The following EMB variants were observed in gnomAD, a reference collection of about 807,000 sequenced individuals.
EMB encodes embigin, also known as embigin homolog.
EMB carries 31 observed loss-of-function variants against 41.4 expected under a neutral mutation model. That is an observed-to-expected ratio of 0.75 (90% CI 0.56 to 1.01). The LOEUF (loss-of-function observed/expected upper bound fraction) is 1.01, where lower values mean the gene tolerates loss of function less well. EMB is among the 50% of genes least tolerant of loss of function. The pLI is 0.00. For synonymous variants in EMB, 137 were observed against 140.4 expected, an observed-to-expected ratio of 0.98 and a Z score of 0.17; for missense variants, 379 against 388.3, an observed-to-expected ratio of 0.98 and a Z score of 0.20.
At chr5:50,423,197 A>G (rs556832263) in intron 2 of EMB, among the ~76,000 whole-genome samples, 264 of 152,274 alleles carry the variant, frequency 1.7e-3, no homozygotes, top group South Asian at 3.7e-3. Context: ...CATATGGACT[A>G]ATAGCACTAA....
intron 2 of EMB, among the ~76,000 whole-genome samples, chr5:50,423,307 T>C (rs767751464): frequency 1.3e-5 from 2 of 152,068 alleles, no homozygotes; most frequent in Non-Finnish European, 2.9e-5. Flanking sequence ...CGTATACCAT[T>C]GTAAAAGAGG....
At chr5:50,425,120 T>C (rs541353134) in intron 2 of EMB, among the ~76,000 whole-genome samples, 37 of 152,330 alleles carry the variant, frequency 2.4e-4, no homozygotes, top group African/African-American at 8.9e-4. Flanking sequence ...ACTTCTTTTC[T>C]TCTTCTCAAT....
At chr5:50,429,968 TTCTCTCTCTCTCTCTCTCTCTC>T (rs780667856) in intron 1 of EMB, among the ~76,000 whole-genome samples, 1 of 62,082 alleles carries the variant, frequency 1.6e-5, no homozygotes, top group South Asian at 5.1e-4. Context: ...CCAACTCTCT[TTCTCTCTCTCTCTCTCTCTCTC>T]TCTCTCTCTC....
At chr5:50,441,939 C>T (rs1391618810), upstream of EMB, among the ~76,000 whole-genome samples, 2 of 152,040 alleles carry the variant, frequency 1.3e-5, no homozygotes, top group Non-Finnish European at 2.9e-5. Flanking sequence ...TTGTTAAATC[C>T]GAACACTCTT....
chr5:50,419,677 C>T (rs890459327), intron 2 of EMB, among the ~76,000 whole-genome samples: 3 of 152,118 alleles, frequency 2.0e-5, no homozygotes, highest in African/African-American at 2.4e-5. Context: ...TCTCCTTTCC[C>T]CATCATGGTT....
At position 50,396,228 on chromosome 5, in the gene EMB, C is replaced by CT. The variant is rs1235187879; in HGVS notation, c.*3044dup. Reference sequence around the variant, plus strand: ...AAGCTTGTTTTTCTTTATTAGAATACTTTTTTCAATTCTGATTTGTCACAA... The same window carrying CT: ...AAGCTTGTTTTTCTTTATTAGAATACTTTTTTTCAATTCTGATTTGTCACAA... On this transcript the variant is annotated 3_prime_UTR_variant, in exon 9 of 9. Coordinates refer to ENST00000303221, the MANE Select transcript of EMB (RefSeq NM_198449.3). The CT allele has an allele frequency of 6.6e-6, 1 of 151,990 alleles. No homozygotes were observed. Among genetic ancestry groups the CT allele is most frequent in the Non-Finnish European group, 1.5e-5 (1 of 67,994 alleles). The allele number at this position is 151,990 out of a possible 1,614,324, so 9.4% of individuals were successfully genotyped here. A position where few individuals can be genotyped will look rare whatever the true frequency, so the allele number is the denominator to read the frequency against.
At chr5:50,423,851 C>CATT (rs1267002621) in intron 2 of EMB, among the ~76,000 whole-genome samples, 1 of 152,166 alleles carries the variant, frequency 6.6e-6, no homozygotes, top group Non-Finnish European at 1.5e-5. Flanking sequence ...TTTTTATTCA[C>CATT]ATTATTTTTA....
At chr5:50,434,874 C>A (rs1414840876) in intron 1 of EMB, among the ~76,000 whole-genome samples, 1 of 152,132 alleles carries the variant, frequency 6.6e-6, no homozygotes, top group East Asian at 1.9e-4. Flanking sequence ...GGTTTGTTCT[C>A]CTACATCAGC....
chr5:50,439,953 G>T (rs1240192309), intron 1 of EMB, among the ~76,000 whole-genome samples: 1 of 152,174 alleles, frequency 6.6e-6, no homozygotes. Context: ...CTTGCAATAG[G>T]TTGGATGGAA....
rs1752259598 is a variant in EMB at position 50,441,250 on chromosome 5, G to T, written c.-99C>A. ...TGCGCACACTCGCAGGTGGCCCGGC[G>T]CTCGCAGCCAGTGCCGCGGGTAGGA... On this transcript the variant is annotated 5_prime_UTR_variant, in exon 1 of 9. Coordinates refer to ENST00000303221, the MANE Select transcript of EMB (RefSeq NM_198449.3). The T allele has an allele frequency of 4.5e-6, 3 of 674,008 alleles. No individual in the cohort carries two copies. Among genetic ancestry groups the T allele is most frequent in the Non-Finnish European group, 6.3e-6 (3 of 473,514 alleles). The allele number at this position is 674,008 out of a possible 1,614,324, so 41.8% of individuals were successfully genotyped here.
chr5:50,430,326 G>T (rs375316311), intron 1 of EMB, among the ~76,000 whole-genome samples: 1 of 151,916 alleles, frequency 6.6e-6, no homozygotes, highest in Non-Finnish European at 1.5e-5. Flanking sequence ...CAATCTTAAG[G>T]GTTCTTATTA....
intron 2 of EMB, among the ~76,000 whole-genome samples, chr5:50,414,086 T>C (rs529984408): frequency 7.2e-5 from 11 of 152,232 alleles, no homozygotes; most frequent in Admixed American, 2.6e-4. Context: ...GTAATTACTC[T>C]TAAGGGGAAG....
chr5:50,399,931 A>C lies in EMB; in HGVS notation c.912-18T>G. The C allele has an allele frequency of 1.3e-6, 2 of 1,582,500 alleles. No individual in the cohort carries two copies. Among genetic ancestry groups the C allele is most frequent in the Non-Finnish European group, 1.7e-6 (2 of 1,158,874 alleles). Reference sequence around the variant, plus strand: ...CTGATTTCCTGCACAGAAAACAAAAAAGAAAATTACTAAATGCTTATATTA... The same window carrying C: ...CTGATTTCCTGCACAGAAAACAAAACAGAAAATTACTAAATGCTTATATTA... On this transcript the variant is annotated intron_variant, in intron 7 of 8. Transcript: ENST00000303221.
At chr5:50,430,287 C>A (rs968845817) in intron 1 of EMB, among the ~76,000 whole-genome samples, 1 of 152,104 alleles carries the variant, frequency 6.6e-6, no homozygotes, top group Non-Finnish European at 1.5e-5. Flanking sequence ...GCTTTCCTCC[C>A]CAGGGATACC....
chr5:50,405,902 G>C (rs758905764), intron 4 of EMB, 50 bp from the exon 5 acceptor site: 11 of 1,516,294 alleles, frequency 7.3e-6, no homozygotes, highest in Non-Finnish European at 9.7e-6. Flanking sequence ...TTAGGTAAAG[G>C]AAATGTATTA....
intron 4 of EMB, among the ~76,000 whole-genome samples, chr5:50,410,001 A>G (rs369185566): frequency 1.9e-3 from 283 of 152,262 alleles, no homozygotes; most frequent in African/African-American, 6.6e-3. Context: ...CCATTAGATC[A>G]TGGCAATGGT....
At chr5:50,400,766 T>C (rs1745148849) in intron 7 of EMB, among the ~76,000 whole-genome samples, 2 of 152,064 alleles carry the variant, frequency 1.3e-5, no homozygotes, top group Non-Finnish European at 2.9e-5. Flanking sequence ...CAAAATGATG[T>C]ACATTGATCC....
chr5:50,415,455 T>A (rs1410838855), intron 2 of EMB, among the ~76,000 whole-genome samples: 1 of 152,202 alleles, frequency 6.6e-6, no homozygotes, highest in Non-Finnish European at 1.5e-5. Context: ...ATAAGAAACG[T>A]CAACAGTAAT....
intron 4 of EMB, among the ~76,000 whole-genome samples, chr5:50,406,337 C>A (rs1745248031): frequency 6.6e-6 from 1 of 151,138 alleles, no homozygotes; most frequent in African/African-American, 2.4e-5. Context: ...GAACAAGGAA[C>A]AAAGGAAAAT....
Sources: gnomAD v4.1 joint callset for allele counts (sites outside exome capture counted in the v4.1 genomes callset) on GRCh38, gnomAD v4.1.1 for gene constraint, MANE v1.5 for transcripts, NCBI Gene and HGNC (gene_info 2026-07-23, HGNC 2026-07-21) for gene names.